The following SNX16 variants were observed in gnomAD, a reference collection of about 807,000 sequenced individuals.
SNX16 encodes the protein sorting nexin 16.
A neutral mutation model predicts 36.7 loss-of-function variants in SNX16; 35 were observed. The ratio of observed to expected loss-of-function variants is 0.95; its 90% confidence interval spans 0.73 to 1.27. The LOEUF is 1.27. SNX16 is among the 50% of genes most tolerant of loss of function. The pLI is 0.00. For missense variants in SNX16, 367 were observed against 393.6 expected (o/e 0.93, Z 0.57); for synonymous variants, 134 against 132.0 (o/e 1.02, Z -0.10).
At chr8:81,805,208 T>C (rs1809875025) in intron 5 of SNX16, among the ~76,000 whole-genome samples, 1 of 151,346 alleles carries the variant, frequency 6.6e-6, no homozygotes, top group African/African-American at 2.4e-5. Context: ...AAAATGCAAA[T>C]AGACTAAAAA....
At chr8:81,832,455 G>T (rs1253370462) in intron 2 of SNX16, among the ~76,000 whole-genome samples, 1 of 152,074 alleles carries the variant, frequency 6.6e-6, no homozygotes, top group Non-Finnish European at 1.5e-5. Context: ...AAACTGTTGG[G>T]TACTATGCTC....
intron 4 of SNX16, chr8:81,815,624 G>A: frequency 5.6e-6 from 2 of 360,290 alleles, no homozygotes; most frequent in South Asian, 3.5e-5. Context: ...CAAACTATGG[G>A]GCATAAAACA....
intron 4 of SNX16, among the ~76,000 whole-genome samples, chr8:81,821,455 G>A (rs1028676838): frequency 7.3e-5 from 11 of 151,202 alleles, no homozygotes; most frequent in Admixed American, 6.6e-4. Context: ...AAAGGGGAGA[G>A]GATATGTCGA....
chr8:81,807,900 T>G, intron 5 of SNX16: 1 of 767,598 alleles, frequency 1.3e-6, no homozygotes, highest in Non-Finnish European at 2.4e-6. Context: ...TCACGAACTG[T>G]GCGGTAATGA....
chr8:81,836,044 T>C (rs1441574529), intron 2 of SNX16, among the ~76,000 whole-genome samples: 1 of 152,186 alleles, frequency 6.6e-6, no homozygotes, highest in Non-Finnish European at 1.5e-5. Context: ...ACCAGGTCTC[T>C]CCCACAACAC....
Position 81,829,411 on chromosome 8 carries a change from G to C in SNX16, c.462+19C>G. The C allele has an allele frequency of 8.7e-7, 1 of 1,143,890 alleles. No homozygotes were observed. Among genetic ancestry groups the C allele is most frequent in the Non-Finnish European group, 1.2e-6 (1 of 842,108 alleles). 70.9% of individuals were successfully genotyped at this position (1,143,890 alleles called of 1,614,324 possible). A position where few individuals can be genotyped will look rare whatever the true frequency, so the allele number is the denominator to read the frequency against. On this transcript the variant is annotated intron_variant, in intron 3 of 7. Transcript: ENST00000345957. ...AATTCAAAACTGAAATGTTAGTTTGGATTTATTATAGTACTTACTTTGTCA... is the reference window on the plus strand; with the variant it reads ...AATTCAAAACTGAAATGTTAGTTTGCATTTATTATAGTACTTACTTTGTCA...
At chr8:81,818,973 A>C (rs1810613920) in intron 4 of SNX16, among the ~76,000 whole-genome samples, 1 of 152,046 alleles carries the variant, frequency 6.6e-6, no homozygotes, top group Admixed American at 6.6e-5. Context: ...GAATATTCTC[A>C]TTTATTTCAA....
At chr8:81,836,128 T>G (rs1042069931) in intron 2 of SNX16, among the ~76,000 whole-genome samples, 3 of 152,148 alleles carry the variant, frequency 2.0e-5, no homozygotes, top group African/African-American at 7.2e-5. Flanking sequence ...ACATTACCAA[T>G]CAAAGAGGTC....
At chr8:81,822,491 A>G (rs1281694355) in intron 4 of SNX16, among the ~76,000 whole-genome samples, 2 of 152,060 alleles carry the variant, frequency 1.3e-5, no homozygotes, top group African/African-American at 4.8e-5. Context: ...CTGTGGCTCT[A>G]CTGGGCTATA....
chr8:81,826,229 C>T (rs1181934319), intron 3 of SNX16, among the ~76,000 whole-genome samples: 3 of 152,096 alleles, frequency 2.0e-5, no homozygotes, highest in Admixed American at 2.0e-4. Flanking sequence ...TAGGAGAGAG[C>T]AGCGTGACTC....
intron 2 of SNX16, among the ~76,000 whole-genome samples, chr8:81,835,199 T>C (rs1811438694): frequency 6.6e-6 from 1 of 152,190 alleles, no homozygotes; most frequent in Non-Finnish European, 1.5e-5. Flanking sequence ...CTGTCAGCCA[T>C]GGCTGGAGCG....
intron 5 of SNX16, among the ~76,000 whole-genome samples, chr8:81,812,934 C>A (rs913300632): frequency 2.6e-5 from 4 of 151,802 alleles, no homozygotes; most frequent in Non-Finnish European, 5.9e-5. Flanking sequence ...AAATATAATA[C>A]CTTTAGCAGT....
At chr8:81,833,424 G>C (rs1231803550) in intron 2 of SNX16, among the ~76,000 whole-genome samples, 2 of 151,732 alleles carry the variant, frequency 1.3e-5, no homozygotes, top group East Asian at 3.9e-4. Context: ...ATTTATCTTT[G>C]TAACATCTAA....
At chr8:81,807,464 A>G (rs1421868345) in intron 5 of SNX16, among the ~76,000 whole-genome samples, 14 of 137,856 alleles carry the variant, frequency 1.0e-4, no homozygotes, top group Admixed American at 3.2e-4. Flanking sequence ...CGTTGCAGTG[A>G]GCCAAGATGG....
chr8:81,820,932 C>T (rs780256082), intron 4 of SNX16, among the ~76,000 whole-genome samples: 1 of 151,050 alleles, frequency 6.6e-6, no homozygotes, highest in African/African-American at 2.4e-5. Flanking sequence ...ACATTTTAAG[C>T]AATATGTTAT....
intron 5 of SNX16, 61 bp downstream of exon 5, chr8:81,815,264 T>C: frequency 8.1e-7 from 1 of 1,242,198 alleles, no homozygotes; most frequent in Non-Finnish European, 1.1e-6. Context: ...CAAGAAACAA[T>C]GTAGTTATTG....
intron 2 of SNX16, among the ~76,000 whole-genome samples, chr8:81,834,556 T>C (rs1811410940): frequency 6.6e-6 from 1 of 152,200 alleles, no homozygotes; most frequent in South Asian, 2.1e-4. Context: ...AGTTACTTAC[T>C]AGATACAATG....
At chr8:81,812,374 C>T (rs1810300737) in intron 5 of SNX16, among the ~76,000 whole-genome samples, 1 of 152,034 alleles carries the variant, frequency 6.6e-6, no homozygotes, top group Admixed American at 6.6e-5. Flanking sequence ...CCCAATACAT[C>T]ATAATCAAAC....
intron 5 of SNX16, among the ~76,000 whole-genome samples, chr8:81,804,195 A>G (rs1427150041): frequency 6.8e-6 from 1 of 147,280 alleles, no homozygotes; most frequent in Non-Finnish European, 1.5e-5. Context: ...TTCAAGAATG[A>G]AACAAAATTA....
Sources: allele counts gnomAD v4.1 joint callset (sites outside exome capture counted in the v4.1 genomes callset), GRCh38; gene constraint gnomAD v4.1.1; transcripts MANE v1.5; gene names NCBI Gene and HGNC (gene_info 2026-07-23, HGNC 2026-07-21).